AHI1: variants seen among roughly 807,000 people sequenced by gnomAD.
AHI1 encodes jouberin.
A neutral mutation model predicts 149.3 loss-of-function variants in AHI1; 123 were observed. That is an observed-to-expected ratio of 0.82 (90% CI 0.71 to 0.96). The LOEUF is 0.96. AHI1 is among the 40% of genes least tolerant of loss of function. The probability of loss-of-function intolerance (pLI) is 0.00; values close to 1 mark genes in which losing one functional copy is unlikely to be tolerated. For synonymous variants in AHI1, 475 were observed against 459.8 expected, an observed-to-expected ratio of 1.03 and a Z score of -0.42; for missense variants, 1,439 against 1,422.7, an observed-to-expected ratio of 1.01 and a Z score of -0.18.
chr6:135,325,120 G>A (rs981807878), intron 24 of AHI1, among the ~76,000 whole-genome samples: 8 of 151,666 alleles, frequency 5.3e-5, no homozygotes, highest in African/African-American at 1.2e-4. Context: ...TCCGCCACCC[G>A]GGTTCAAGCG....
At chr6:135,363,463 C>A (rs369262770) in intron 23 of AHI1, among the ~76,000 whole-genome samples, 2 of 152,200 alleles carry the variant, frequency 1.3e-5, no homozygotes, top group Non-Finnish European at 2.9e-5. Flanking sequence ...TACACAGACA[C>A]GGCAACCATC....
chr6:135,411,996 T>A (rs937856112), intron 20 of AHI1, among the ~76,000 whole-genome samples: 1 of 152,180 alleles, frequency 6.6e-6, no homozygotes, highest in East Asian at 1.9e-4. Flanking sequence ...TAAATGCAAG[T>A]ATTTCTTACA....
intron 24 of AHI1, among the ~76,000 whole-genome samples, chr6:135,341,683 T>C (rs2244745): frequency 6.6e-6 from 1 of 151,738 alleles, no homozygotes; most frequent in Admixed American, 6.5e-5. Context: ...GAAAATTTCA[T>C]AATGTATGGA....
chr6:135,447,571 CTCCA>C (rs1479953805), intron 12 of AHI1, among the ~76,000 whole-genome samples: 1 of 152,178 alleles, frequency 6.6e-6, no homozygotes, highest in East Asian at 1.9e-4. Flanking sequence ...ATAGATTTAA[CTCCA>C]TCCAAACCAA....
chr6:135,416,360 G>C (rs989125394), intron 20 of AHI1, among the ~76,000 whole-genome samples: 1 of 147,788 alleles, frequency 6.8e-6, no homozygotes, highest in Non-Finnish European at 1.5e-5. Flanking sequence ...ATGCAAATTA[G>C]AAAGTGCCTT....
chr6:135,403,678 A>G (rs1307258820), intron 22 of AHI1, among the ~76,000 whole-genome samples: 6 of 152,200 alleles, frequency 3.9e-5, no homozygotes, highest in Admixed American at 3.9e-4. Context: ...TTTATACACA[A>G]TGAGTACTTC....
At chr6:135,377,460 G>GAGTT (rs1469862128) in intron 23 of AHI1, among the ~76,000 whole-genome samples, 25 of 138,172 alleles carry the variant, frequency 1.8e-4, no homozygotes, top group African/African-American at 6.2e-4. Context: ...ATCTGGCTTT[G>GAGTT]AGTTATTTAT....
intron 22 of AHI1, among the ~76,000 whole-genome samples, chr6:135,398,201 A>G (rs759468059): frequency 1.3e-5 from 2 of 151,982 alleles, no homozygotes; most frequent in Non-Finnish European, 2.9e-5. Flanking sequence ...CATTCTCATA[A>G]TATAAATTTT....
chr6:135,373,038 G>C (rs544140648), intron 23 of AHI1, among the ~76,000 whole-genome samples: 1 of 152,180 alleles, frequency 6.6e-6, no homozygotes, highest in Non-Finnish European at 1.5e-5. Context: ...TGCAGTGTTA[G>C]GTGTATTAGT....
intron 11 of AHI1, 33 bp from the exon 12 acceptor site, chr6:135,448,508 T>C (rs1787589659): frequency 3.6e-6 from 5 of 1,382,762 alleles, no homozygotes; most frequent in Non-Finnish European, 4.8e-6. Context: ...AATGTTACCT[T>C]CATTGAAAAT....
chr6:135,467,646 G>A lies in AHI1; in HGVS notation c.136-12C>T. 6.3e-7 allele frequency: 1 copy of A among 1,589,544 alleles called. No individual in the cohort carries two copies. The highest frequency in any genetic ancestry group is 8.6e-7 in the Non-Finnish European group (1 of 1,162,916). On this transcript the variant is annotated splice_polypyrimidine_tract_variant and intron_variant, in intron 5 of 28. Coordinates refer to ENST00000265602, the MANE Select transcript of AHI1 (RefSeq NM_001134831.2). ...CTAATAGTGTCAGGCTAAAAAGGAA[G>A]ACATAATAAAGTTTCAGCTAAGCGT...
chr6:135,307,147 A>G (rs1036214772), intron 26 of AHI1: 3 of 152,222 alleles, frequency 2.0e-5, no homozygotes, highest in Non-Finnish European at 4.4e-5. Flanking sequence ...CAAATAAAAG[A>G]GTAATAAAAG....
At chr6:135,285,755 G>T in intron 28 of AHI1, 108 bp from the exon 29 acceptor site, 1 of 903,518 alleles carries the variant, frequency 1.1e-6, no homozygotes, top group Non-Finnish European at 1.7e-6. Context: ...AAAGGACATT[G>T]TGTAAAACAC....
intron 23 of AHI1, among the ~76,000 whole-genome samples, chr6:135,385,930 A>T (rs1777513852): frequency 6.6e-6 from 1 of 152,216 alleles, no homozygotes; most frequent in African/African-American, 2.4e-5. Context: ...GCTTTAATAT[A>T]TTCACAACAT....
intron 23 of AHI1, among the ~76,000 whole-genome samples, chr6:135,380,329 A>C (rs1003126182): frequency 6.6e-6 from 1 of 152,124 alleles, no homozygotes; most frequent in Non-Finnish European, 1.5e-5. Flanking sequence ...ACAATACGGG[A>C]CAACTATTTA....
chr6:135,446,845 A>C (rs1333474564), intron 13 of AHI1, among the ~76,000 whole-genome samples, 163 bp downstream of exon 13: 1 of 152,218 alleles, frequency 6.6e-6, no homozygotes, highest in Non-Finnish European at 1.5e-5. Context: ...TAGGCACTCT[A>C]TTATTATTTG....
intron 13 of AHI1, among the ~76,000 whole-genome samples, chr6:135,444,396 T>C (rs1309038201): frequency 2.0e-5 from 3 of 152,212 alleles, no homozygotes; most frequent in Non-Finnish European, 4.4e-5. Flanking sequence ...AGTACACTAC[T>C]TTATCTCCTC....
intron 11 of AHI1, 118 bp downstream of exon 11, chr6:135,453,223 C>A: frequency 2.6e-6 from 2 of 783,826 alleles, no homozygotes; most frequent in Non-Finnish European, 4.3e-6. Flanking sequence ...AACTCTTCAT[C>A]CCTACAACAT....
At chr6:135,315,903 T>C (rs1785876213) in intron 26 of AHI1, among the ~76,000 whole-genome samples, 2 of 152,204 alleles carry the variant, frequency 1.3e-5, no homozygotes, top group African/African-American at 4.8e-5. Context: ...CACACTTACC[T>C]GTTTAGAGGG....
Sources: allele counts gnomAD v4.1 joint callset (sites outside exome capture counted in the v4.1 genomes callset), GRCh38; gene constraint gnomAD v4.1.1; transcripts MANE v1.5; gene names NCBI Gene and HGNC (gene_info 2026-07-23, HGNC 2026-07-21).